Variants in GIGYF2 observed in about 807,000 individuals in gnomAD.
GIGYF2 encodes the protein GRB10 interacting GYF protein 2, also known as GRB10-interacting GYF protein 2.
In GIGYF2, 25 loss-of-function variants were observed where a neutral mutation model predicts 208.1. The observed-to-expected ratio is 0.12, with a 90% CI of 0.09 to 0.17. GIGYF2 has a LOEUF of 0.17. Among genes scored for constraint, GIGYF2 ranks in the 10% least tolerant of loss-of-function variants. The pLI, the probability that GIGYF2 is intolerant of heterozygous loss-of-function variation, is 1.00. For synonymous variants in GIGYF2, 534 were observed against 543.8 expected (o/e 0.98, Z 0.25); for missense variants, 1,302 against 1,579.4 (o/e 0.82, Z 2.98).
chr2:232,802,898 A>AT (rs35474409), intron 14 of GIGYF2, among the ~76,000 whole-genome samples: 54,744 of 143,716 alleles, frequency 0.38, 10,463 homozygotes, highest in South Asian at 0.65. Flanking sequence ...TTGTCCAGAG[A>AT]TTTTTTTTTT....
chr2:232,851,611 G>A (rs947822999), intron 28 of GIGYF2, among the ~76,000 whole-genome samples: 3 of 152,076 alleles, frequency 2.0e-5, no homozygotes, highest in Non-Finnish European at 4.4e-5. Context: ...GTAGAGAGGG[G>A]TTTTTGCCAT....
intron 2 of GIGYF2, among the ~76,000 whole-genome samples, chr2:232,728,029 C>G (rs1033695676): frequency 6.6e-6 from 1 of 152,188 alleles, no homozygotes; most frequent in Non-Finnish European, 1.5e-5. Context: ...ATTTTCCCTT[C>G]CAGAGGGAGC....
At chr2:232,743,793 GT>G (rs1395246178) in intron 3 of GIGYF2, among the ~76,000 whole-genome samples, 1 of 152,120 alleles carries the variant, frequency 6.6e-6, no homozygotes, top group Non-Finnish European at 1.5e-5. Flanking sequence ...GTTTGCCTCA[GT>G]TTCTTTTCAT....
At chr2:232,710,108 C>T (rs910354993) in intron 2 of GIGYF2, among the ~76,000 whole-genome samples, 24 of 151,836 alleles carry the variant, frequency 1.6e-4, no homozygotes, top group African/African-American at 5.8e-4. Flanking sequence ...TACAGGCACC[C>T]GCCACCATGC....
In GIGYF2 at chr2:232,847,528, A is replaced by C. The variant is rs1383571056; in HGVS notation, c.3641A>C (p.Gln1214Pro). The C allele has an allele frequency of 1.2e-6, 2 of 1,605,484 alleles. No individual in the cohort carries two copies. The highest frequency in any genetic ancestry group is 1.7e-6 in the Non-Finnish European group (2 of 1,176,076). Residue 1214 changes from glutamine (Q) to proline (P), a missense_variant, in exon 27 of 29, where the codon CAG (glutamine) becomes CCG (proline). Transcript: ENST00000373563. ...CAGCAGCAGCTGCCACAGCAGCAGC[A>C]GCAGCAGCCGCCACAGCAGCCGCCA... is the stretch of plus-strand genomic sequence containing the variant. ...RQQQQLPQQQ[Q>P]QQPPQQPPQQ...
intron 16 of GIGYF2, chr2:232,810,541 G>C (rs1700704601): frequency 6.5e-6 from 1 of 153,594 alleles, no homozygotes; most frequent in Non-Finnish European, 1.4e-5. Flanking sequence ...TGTTCTTGTG[G>C]TGCAGAGGTT....
At position 232,791,875 on chromosome 2, in the gene GIGYF2, C is replaced by T. The variant is rs112030158; in HGVS notation, c.1282+429C>T. Among the ~76,000 whole-genome samples, 88 of 152,294 alleles carry T rather than the reference C, an allele frequency of 5.8e-4. 1 individual carries two copies. Among genetic ancestry groups the T allele is most frequent in the African/African-American group, 1.7e-3 (71 of 41,572 alleles). ...GGACAAGTAGAGAACATATGTGAATCTGTGGCAGAATAAGCTTAAAACATA... is the reference window on the plus strand; with the variant it reads ...GGACAAGTAGAGAACATATGTGAATTTGTGGCAGAATAAGCTTAAAACATA... On this transcript the variant is annotated intron_variant, in intron 12 of 28. Coordinates refer to ENST00000373563, the MANE Select transcript of GIGYF2 (RefSeq NM_001103146.3).
chr2:232,812,369 A>C (rs200203476), intron 17 of GIGYF2, 22 bp from the exon 18 acceptor site: 27 of 990,036 alleles, frequency 2.7e-5, no homozygotes, highest in Non-Finnish European at 4.1e-5. Context: ...GAACAAGTTA[A>C]TTTTTTATTT....
intron 14 of GIGYF2, among the ~76,000 whole-genome samples, chr2:232,804,102 A>T (rs1412862999): frequency 1.3e-5 from 2 of 152,122 alleles, no homozygotes; most frequent in Admixed American, 6.6e-5. Context: ...ATCTTCTTTT[A>T]AAAAAATTTT....
chr2:232,761,630 G>T (rs764125488), intron 8 of GIGYF2, 194 bp downstream of exon 8: 4 of 494,228 alleles, frequency 8.1e-6, no homozygotes, highest in African/African-American at 2.0e-5. Flanking sequence ...TGTGTTCTCT[G>T]CAAGGCATAT....
intron 21 of GIGYF2, among the ~76,000 whole-genome samples, chr2:232,829,245 C>T (rs940834696): frequency 7.2e-5 from 11 of 152,092 alleles, no homozygotes; most frequent in African/African-American, 2.2e-4. Flanking sequence ...TTTATTGTTA[C>T]GAAATGTTCC....
intron 14 of GIGYF2, among the ~76,000 whole-genome samples, chr2:232,803,447 A>G (rs1700460232): frequency 6.6e-6 from 1 of 152,116 alleles, no homozygotes; most frequent in Admixed American, 6.5e-5. Flanking sequence ...TGTGTGTGGA[A>G]AAATTTTATA....
intron 5 of GIGYF2, among the ~76,000 whole-genome samples, chr2:232,749,774 G>A (rs1698273092): frequency 6.6e-6 from 1 of 152,162 alleles, no homozygotes; most frequent in African/African-American, 2.4e-5. Flanking sequence ...TGACTCTTAA[G>A]GAAAAGGTAA....
intron 8 of GIGYF2, chr2:232,771,404 C>A (rs1192945404): frequency 1.4e-6 from 2 of 1,416,666 alleles, no homozygotes; most frequent in South Asian, 1.2e-5. Context: ...AATTAGTAAG[C>A]TCTTAACTGT....
intron 16 of GIGYF2, 116 bp downstream of exon 16, chr2:232,809,927 A>G: frequency 1.4e-6 from 1 of 731,876 alleles, no homozygotes; most frequent in South Asian, 1.4e-5. Flanking sequence ...ATGGCACTTC[A>G]GTCACCCAGC....
intron 9 of GIGYF2, 68 bp from the exon 10 acceptor site, chr2:232,790,630 T>C: frequency 1.6e-6 from 2 of 1,288,448 alleles, no homozygotes; most frequent in Non-Finnish European, 2.3e-6. Context: ...TATTTTCTAT[T>C]CCTGATTTTC....
At chr2:232,763,450 A>C (rs1353828402) in intron 8 of GIGYF2, among the ~76,000 whole-genome samples, 1 of 152,280 alleles carries the variant, frequency 6.6e-6, no homozygotes, top group African/African-American at 2.4e-5. Context: ...GATAAAGTTT[A>C]ATTTATAAAT....
chr2:232,741,261 T>A (rs1697958053), intron 3 of GIGYF2, among the ~76,000 whole-genome samples: 1 of 152,164 alleles, frequency 6.6e-6, no homozygotes, highest in Non-Finnish European at 1.5e-5. Context: ...TGATAATTCC[T>A]TTTACTTCTC....
At chr2:232,825,188 T>G (rs1196454897) in intron 21 of GIGYF2, among the ~76,000 whole-genome samples, 2 of 152,214 alleles carry the variant, frequency 1.3e-5, no homozygotes, top group Non-Finnish European at 2.9e-5. Flanking sequence ...CAAGGATTAA[T>G]TTTGATGTTC....
Sources: allele counts gnomAD v4.1 joint callset (sites outside exome capture counted in the v4.1 genomes callset), GRCh38; gene constraint gnomAD v4.1.1; transcripts MANE v1.5; gene names NCBI Gene and HGNC (gene_info 2026-07-23, HGNC 2026-07-21).